PDE10A: variants seen among roughly 807,000 people sequenced by gnomAD.
PDE10A encodes the protein cAMP and cAMP-inhibited cGMP 3',5'-cyclic phosphodiesterase 10A.
In PDE10A, 39 loss-of-function variants were observed where a neutral mutation model predicts 97.7. The ratio of observed to expected loss-of-function variants is 0.40; its 90% CI spans 0.31 to 0.52. The LOEUF (loss-of-function observed/expected upper bound fraction) is 0.52, where lower values mean the gene tolerates loss of function less well. Ranked by LOEUF, PDE10A falls within the 20% of genes least tolerant of loss-of-function variation. The pLI is 0.56. For synonymous variants in PDE10A, 371 were observed against 376.8 expected (o/e 0.98, Z 0.18); for missense variants, 731 against 1,047.8 (o/e 0.70, Z 4.17).
intron 1 of PDE10A, among the ~76,000 whole-genome samples, chr6:165,598,142 G>T (rs917678236): frequency 5.3e-5 from 8 of 152,134 alleles, no homozygotes; most frequent in Non-Finnish European, 7.3e-5. Context: ...AAACCTGTCA[G>T]TTTGCCAATT....
intron 1 of PDE10A, among the ~76,000 whole-genome samples, chr6:165,823,534 A>G (rs1364298148): frequency 1.2e-4 from 9 of 72,858 alleles, no homozygotes; most frequent in African/African-American, 3.4e-4. Flanking sequence ...ATGAACCTTA[A>G]TTATAAATAT....
At chr6:165,544,149 C>T (rs1450423628) in intron 1 of PDE10A, among the ~76,000 whole-genome samples, 1 of 152,068 alleles carries the variant, frequency 6.6e-6, no homozygotes, top group Non-Finnish European at 1.5e-5. Context: ...ATAGGTGCTA[C>T]AAATTGTTTA....
intron 10 of PDE10A, 45 bp downstream of exon 10, chr6:165,428,613 G>GC (rs748777617): frequency 1.5e-5 from 12 of 810,336 alleles, no homozygotes; most frequent in Non-Finnish European, 2.5e-5. Context: ...AGCACCATGG[G>GC]CCTAAGGGTT....
chr6:165,601,871 C>T (rs1786969709), intron 1 of PDE10A, among the ~76,000 whole-genome samples: 1 of 152,166 alleles, frequency 6.6e-6, no homozygotes, highest in Non-Finnish European at 1.5e-5. Context: ...GCCTCATCTA[C>T]CACCGCAACA....
At chr6:165,342,963 T>C (rs1424876611) in intron 19 of PDE10A, among the ~76,000 whole-genome samples, 1 of 152,228 alleles carries the variant, frequency 6.6e-6, no homozygotes, top group African/African-American at 2.4e-5. Context: ...TATTTACATA[T>C]TCTCAATGTC....
chr6:165,964,459 T>C (rs532276290), intron 1 of PDE10A, among the ~76,000 whole-genome samples: 41 of 152,370 alleles, frequency 2.7e-4, no homozygotes, highest in African/African-American at 9.9e-4. Context: ...GTTTTTAAAA[T>C]GTAGAGATGA....
intron 1 of PDE10A, among the ~76,000 whole-genome samples, chr6:165,805,429 G>A (rs1046343552): frequency 2.0e-5 from 3 of 152,114 alleles, no homozygotes; most frequent in African/African-American, 7.2e-5. Flanking sequence ...GAAAGTCAGT[G>A]ATGTTTGAAA....
intron 1 of PDE10A, among the ~76,000 whole-genome samples, chr6:165,652,355 A>ATT (rs879632907): frequency 2.2e-5 from 3 of 139,360 alleles, no homozygotes; most frequent in African/African-American, 2.6e-5. Flanking sequence ...CTCCCGGGCT[A>ATT]TTTTTTTTTT....
At chr6:165,653,016 C>T (rs1299591078) in intron 1 of PDE10A, among the ~76,000 whole-genome samples, 3 of 152,138 alleles carry the variant, frequency 2.0e-5, no homozygotes, top group Non-Finnish European at 4.4e-5. Context: ...GCTCAGAAGC[C>T]CTGGGTCACT....
At chr6:165,691,112 C>CT (rs1461581705) in intron 1 of PDE10A, among the ~76,000 whole-genome samples, 2 of 76,462 alleles carry the variant, frequency 2.6e-5, no homozygotes, top group East Asian at 5.6e-4. Context: ...TCTCTCCCCC[C>CT]CCCCATCAGT....
chr6:165,930,845 A>C (rs1202226656), intron 1 of PDE10A, among the ~76,000 whole-genome samples: 1 of 152,126 alleles, frequency 6.6e-6, no homozygotes, highest in Non-Finnish European at 1.5e-5. Flanking sequence ...ACACGAGGGG[A>C]GCTTCACCGT....
rs181039579 is a variant in PDE10A, at chr6:165,896,617, C to T, written c.-615+90912G>A. On this transcript the variant is annotated intron_variant, in intron 1 of 19. Coordinates refer to the PDE10A transcript ENST00000366882. ...TCGGCTCACTGCAAGCTCCGCCTCC[C>T]GGGTACACGCCATTCTCCTGCCTCA... 4.2e-3 allele frequency among the ~76,000 whole-genome samples: 633 copies of T among 151,422 alleles called. 3 individuals are homozygous for T. The highest frequency in any genetic ancestry group is 0.013 in the African/African-American group (544 of 41,200).
chr6:165,498,652 AG>A (rs1780693861), intron 2 of PDE10A, among the ~76,000 whole-genome samples: 1 of 152,052 alleles, frequency 6.6e-6, no homozygotes, highest in Non-Finnish European at 1.5e-5. Flanking sequence ...AAGTGTTAAT[AG>A]TAGAAGATCT....
chr6:165,910,094 G>C (rs1782410622), intron 1 of PDE10A, among the ~76,000 whole-genome samples: 1 of 152,178 alleles, frequency 6.6e-6, no homozygotes, highest in South Asian at 2.1e-4. Flanking sequence ...TATCCCCAGT[G>C]CCTAGAATAG....
chr6:165,769,214 T>C (rs1777941169), intron 1 of PDE10A, among the ~76,000 whole-genome samples: 1 of 152,242 alleles, frequency 6.6e-6, no homozygotes, highest in African/African-American at 2.4e-5. Context: ...GAGTACTTGC[T>C]GCGTGGCTGG....
At chr6:165,723,842 T>C (rs1792225032) in intron 1 of PDE10A, among the ~76,000 whole-genome samples, 1 of 119,786 alleles carries the variant, frequency 8.3e-6, no homozygotes, top group Admixed American at 8.1e-5. Context: ...AGAAATAAGA[T>C]AAAGGTGTTT....
intron 1 of PDE10A, among the ~76,000 whole-genome samples, chr6:165,644,056 A>C (rs1166683929): frequency 6.6e-6 from 1 of 151,580 alleles, no homozygotes; most frequent in Non-Finnish European, 1.5e-5. Context: ...AGAAAAATTC[A>C]TTTTTTTTCT....
At chr6:165,619,056 G>GGTCTA (rs1659417487) in intron 1 of PDE10A, among the ~76,000 whole-genome samples, 1 of 49,508 alleles carries the variant, frequency 2.0e-5, no homozygotes, top group Non-Finnish European at 3.8e-5. Flanking sequence ...AGTCTAGTGT[G>GGTCTA]GTGTAGTGTA....
intron 1 of PDE10A, among the ~76,000 whole-genome samples, chr6:165,827,614 A>G (rs996226695): frequency 7.9e-5 from 12 of 152,188 alleles, no homozygotes; most frequent in Admixed American, 7.8e-4. Context: ...CTGAACATAC[A>G]TTATGTATTT....
Sources: gnomAD v4.1 joint callset for allele counts (sites outside exome capture counted in the v4.1 genomes callset) on GRCh38, gnomAD v4.1.1 for gene constraint, MANE v1.5 for transcripts, NCBI Gene and HGNC (gene_info 2026-07-23, HGNC 2026-07-21) for gene names.